The following SIM1 variants were observed in gnomAD, a reference collection of about 807,000 sequenced individuals.
SIM1 encodes the protein single-minded homolog 1.
A neutral mutation model predicts 78.2 loss-of-function variants in SIM1; 18 were observed. The ratio of observed to expected loss-of-function variants is 0.23; its 90% CI spans 0.16 to 0.34. SIM1 has a LOEUF of 0.34. Ranked by LOEUF, SIM1 falls within the 10% of genes least tolerant of loss-of-function variation. The pLI is 1.00. For synonymous variants in SIM1, 417 were observed against 385.2 expected, an observed-to-expected ratio of 1.08 and a Z score of -0.97; for missense variants, 939 against 975.1, an observed-to-expected ratio of 0.96 and a Z score of 0.49.
chr6:100,459,197 A>G (rs989896171), intron 2 of SIM1, among the ~76,000 whole-genome samples: 3 of 152,224 alleles, frequency 2.0e-5, no homozygotes, highest in African/African-American at 4.8e-5. Context: ...GCATCCCACC[A>G]TAGCTTATAA....
chr6:100,442,718 G>A (rs1483201743), intron 9 of SIM1, among the ~76,000 whole-genome samples: 2 of 151,924 alleles, frequency 1.3e-5, no homozygotes, highest in African/African-American at 4.8e-5. Context: ...AACTATATAT[G>A]TTATTGGTCA....
intron 11 of SIM1, among the ~76,000 whole-genome samples, chr6:100,393,063 CAA>C (rs1386141091): frequency 6.6e-6 from 1 of 152,128 alleles, no homozygotes; most frequent in Non-Finnish European, 1.5e-5. Context: ...GTCCATAAAA[CAA>C]AGACTGGCCC....
chr6:100,441,453 G>A (rs1039426404), intron 9 of SIM1, among the ~76,000 whole-genome samples: 7 of 152,084 alleles, frequency 4.6e-5, no homozygotes, highest in Non-Finnish European at 1.0e-4. Context: ...CACACACCAT[G>A]TAAGAAATAC....
intron 10 of SIM1, among the ~76,000 whole-genome samples, chr6:100,417,134 G>C (rs962900050): frequency 6.6e-6 from 1 of 151,894 alleles, no homozygotes; most frequent in Non-Finnish European, 1.5e-5. Context: ...ATTTATTCCT[G>C]CATTTCCTCA....
chr6:100,394,729 A>G (rs2114465267), intron 10 of SIM1, among the ~76,000 whole-genome samples: 1 of 152,302 alleles, frequency 6.6e-6, no homozygotes, highest in East Asian at 1.9e-4. Flanking sequence ...ATTAAAACAA[A>G]CAAAAACCTA....
Position 100,420,955 on chromosome 6 carries a change from G to A in SIM1, c.1002C>T (p.Asp334=). ...AGAGCTGCAGCCCTTTGTATTCTGTGTCTCTGCAGGGTGGGAGGACAAAGC... is the reference window on the plus strand; with the variant it reads ...AGAGCTGCAGCCCTTTGTATTCTGTATCTCTGCAGGGTGGGAGGACAAAGC... ...CIVSVNYVLT[D]TEYKGLQLSL... The change falls in exon 10 of 12, where the codon GAC becomes GAT. Residue 334 remains aspartate (D), a synonymous_variant. Transcript: ENST00000369208. 6.2e-7 allele frequency: 1 copy of A among 1,612,988 alleles called. No individual in the cohort carries two copies. Among genetic ancestry groups the A allele is most frequent in the Non-Finnish European group, 8.5e-7 (1 of 1,179,626 alleles).
chr6:100,459,277 T>A (rs1283317040), intron 2 of SIM1, among the ~76,000 whole-genome samples: 2 of 152,226 alleles, frequency 1.3e-5, no homozygotes, highest in Admixed American at 6.5e-5. Flanking sequence ...GTATTTTTTT[T>A]ATTGATCTGA....
chr6:100,431,194 T>G (rs1582301127), intron 9 of SIM1, among the ~76,000 whole-genome samples: 1 of 152,204 alleles, frequency 6.6e-6, no homozygotes, highest in Non-Finnish European at 1.5e-5. Flanking sequence ...CTTCATTTGT[T>G]TAACTTAAAT....
At chr6:100,391,258 C>CT (rs1770633532) in intron 11 of SIM1, among the ~76,000 whole-genome samples, 167 bp from the exon 12 acceptor site, 1 of 152,192 alleles carries the variant, frequency 6.6e-6, no homozygotes, top group Non-Finnish European at 1.5e-5. Flanking sequence ...ACATGACACT[C>CT]TATGTGTCAA....
At position 100,391,100 on chromosome 6, in the gene SIM1, T is replaced by C; in HGVS notation, c.1571-9A>G. ...ATCCCAATGACCTCGCCCTAAAAAT[T>C]AGAAAAAGTCAAAAGTAAGTGATCT... On this transcript the variant is annotated splice_polypyrimidine_tract_variant and intron_variant, in intron 11 of 11. Coordinates refer to ENST00000369208, the MANE Select transcript of SIM1 (RefSeq NM_005068.3). 2 of 1,560,272 alleles carry C rather than the reference T, an allele frequency of 1.3e-6. No homozygotes were observed. Among genetic ancestry groups the C allele is most frequent in the Non-Finnish European group, 1.7e-6 (2 of 1,157,628 alleles).
intron 10 of SIM1, among the ~76,000 whole-genome samples, chr6:100,418,185 A>T (rs1041706246): frequency 4.0e-5 from 6 of 151,576 alleles, no homozygotes; most frequent in Non-Finnish European, 7.4e-5. Context: ...TACAAAAATT[A>T]AAAAAAAATT....
intron 10 of SIM1, among the ~76,000 whole-genome samples, chr6:100,416,641 T>C (rs1000540113): frequency 3.3e-5 from 5 of 152,330 alleles, no homozygotes; most frequent in African/African-American, 1.2e-4. Flanking sequence ...AAAAGCTTTA[T>C]CATTTAGTCA....
In SIM1 at chr6:100,463,458, T is replaced by C. The variant is rs781664976; in HGVS notation, c.11A>G (p.Lys4Arg). The C allele has an allele frequency of 1.9e-6, 3 of 1,605,826 alleles. No individual in the cohort carries two copies. The highest frequency in any genetic ancestry group is 1.1e-5 in the South Asian group (1 of 90,778). The change falls in exon 2 of 12, where the codon AAG (lysine) becomes AGG (arginine). Residue 4 changes from lysine to arginine, a missense_variant. Lys to Arg is a conservative substitution (Grantham distance 26). Coordinates refer to ENST00000369208, the MANE Select transcript of SIM1 (RefSeq NM_005068.3). ...CCTAGTCCGCGCAGCATTTTTGGACTTTTCTTTCATTGTGTCTTGTTCCCC... is the reference window on the plus strand; with the variant it reads ...CCTAGTCCGCGCAGCATTTTTGGACCTTTCTTTCATTGTGTCTTGTTCCCC... The part of the protein sequence containing the change: MKE[K>R]SKNAARTRRE...
At chr6:100,396,561 G>T (rs1391535743) in intron 10 of SIM1, among the ~76,000 whole-genome samples, 2 of 152,140 alleles carry the variant, frequency 1.3e-5, no homozygotes, top group Non-Finnish European at 2.9e-5. Context: ...CAAGCGCATT[G>T]CCCTGAGATA....
Position 100,448,552 on chromosome 6 carries a change from C to T in SIM1, c.670G>A (p.Glu224Lys). Residue 224 changes from glutamate (E) to lysine (K), a missense_variant, in exon 7 of 12, where the codon GAG (glutamate) becomes AAG (lysine). Physicochemically the swap from Glu to Lys is moderately conservative, Grantham distance 56. Transcript: ENST00000369208. Reference sequence around the variant, plus strand: ...AACATATTGCTGTGTAGCTTGATCTCCGTGACGGCGCTGGGAGGCAGCGAG... The same window carrying T: ...AACATATTGCTGTGTAGCTTGATCTTCGTGACGGCGCTGGGAGGCAGCGAG... ...GHSLPPSAVT[E>K]IKLHSNMFMF... 6.2e-7 allele frequency: 1 copy of T among 1,614,192 alleles called. No individual in the cohort carries two copies. The highest frequency in any genetic ancestry group is 8.5e-7 in the Non-Finnish European group (1 of 1,180,056).
In SIM1 at chr6:100,418,194, T is replaced by A. The variant is rs564680127; in HGVS notation, c.1167+2596A>T. ...CATGTCTACAAAAATTAAAAAAAAA[T>A]TTTAAAAATTAATGGGGCACATTGT... On this transcript the variant is annotated intron_variant, in intron 10 of 11. Coordinates refer to ENST00000369208, the MANE Select transcript of SIM1 (RefSeq NM_005068.3). Among the ~76,000 whole-genome samples, 66 of 151,504 alleles carry A rather than the reference T, an allele frequency of 4.4e-4. No individual in the cohort carries two copies. The South Asian group carries it at 7.3e-3, about 17-fold the overall frequency.
chr6:100,419,027 C>T (rs954248338), intron 10 of SIM1, among the ~76,000 whole-genome samples: 1 of 151,778 alleles, frequency 6.6e-6, no homozygotes, highest in Non-Finnish European at 1.5e-5. Flanking sequence ...ATTAGACGGG[C>T]GTGGTGGCAG....
intron 10 of SIM1, among the ~76,000 whole-genome samples, chr6:100,404,718 A>C (rs1301062152): frequency 6.6e-6 from 1 of 152,216 alleles, no homozygotes; most frequent in Admixed American, 6.5e-5. Context: ...TTTACTATAA[A>C]GAATGGCTTT....
chr6:100,422,166 C>T (rs887648276), intron 9 of SIM1, among the ~76,000 whole-genome samples: 1 of 152,208 alleles, frequency 6.6e-6, no homozygotes, highest in African/African-American at 2.4e-5. Context: ...TTTTTACATG[C>T]ATTTTTAATA....
Sources: allele counts gnomAD v4.1 joint callset (sites outside exome capture counted in the v4.1 genomes callset), GRCh38; gene constraint gnomAD v4.1.1; transcripts MANE v1.5; gene names NCBI Gene and HGNC (gene_info 2026-07-23, HGNC 2026-07-21).